SLC43A1: variants seen among roughly 807,000 people sequenced by gnomAD.
SLC43A1 encodes large neutral amino acids transporter small subunit 3.
A neutral mutation model predicts 59.5 loss-of-function variants in SLC43A1; 31 were observed. That is an observed-to-expected ratio of 0.52 (90% CI 0.39 to 0.70). SLC43A1 has a LOEUF of 0.70. Ranked by LOEUF, SLC43A1 falls within the 30% of genes least tolerant of loss-of-function variation. SLC43A1 has a pLI of 0.00. For missense variants in SLC43A1, 598 were observed against 717.8 expected (o/e 0.83, Z 1.91); for synonymous variants, 259 against 290.9 (o/e 0.89, Z 1.12).
Position 57,496,065 on chromosome 11 carries a change from C to G in SLC43A1, c.658G>C (p.Glu220Gln). ...FLNCTLNWPIEAFPAPEEVNY... is the reference protein window; with the variant it reads ...FLNCTLNWPIQAFPAPEEVNY... ...ACTTCCTCAGGGGCAGGAAAGGCTTCGATGGGCCAGTTGAGGGTGCAGTTC... is the reference window on the plus strand; with the variant it reads ...ACTTCCTCAGGGGCAGGAAAGGCTTGGATGGGCCAGTTGAGGGTGCAGTTC... The change falls in exon 7 of 15, where the codon GAA (glutamate) becomes CAA (glutamine). Residue 220 changes from glutamate to glutamine, a missense_variant. Coordinates refer to ENST00000278426, the MANE Select transcript of SLC43A1 (RefSeq NM_003627.6). The G allele has an allele frequency of 6.2e-7, 1 of 1,614,100 alleles. No individual in the cohort carries two copies. The highest frequency in any genetic ancestry group is 8.5e-7 in the Non-Finnish European group (1 of 1,180,000).
rs755333495 is a variant in SLC43A1, at chr11:57,489,247, GTACC to G, written c.1335_1335+3del. ...AGGGAGAGGGGAAGGATGAAGGTGG[GTACC>G]TGGAGGTGTAAGTTGTTGATGAGAC... On this transcript the variant is annotated splice_donor_variant and splice_donor_region_variant and coding_sequence_variant and intron_variant, in exon 12 of 15. Transcript: ENST00000278426. LOFTEE classifies it high-confidence loss of function. 1.1e-5 allele frequency: 17 copies of G among 1,614,048 alleles called. No homozygotes were observed. Among genetic ancestry groups the G allele is most frequent in the Non-Finnish European group, 1.4e-5 (17 of 1,180,038 alleles).
chr11:57,502,704 T>C lies in SLC43A1; in HGVS notation c.155-1375A>G, dbSNP rs149701663. Among the ~76,000 whole-genome samples, 10 of 151,962 alleles carry C rather than the reference T, an allele frequency of 6.6e-5. No individual in the cohort carries two copies. In the East Asian group the frequency reaches 1.5e-3, roughly 24 times the overall value. On this transcript the variant is annotated intron_variant, in intron 2 of 14. Transcript: ENST00000278426. ...TGAGCAACATTGGGAAACCTTGTCT[T>C]TACAAAACAAATTTTAAAAATCAGC...
At chr11:57,497,926 C>G in intron 5 of SLC43A1, 81 bp from the exon 6 acceptor site, 1 of 1,042,476 alleles carries the variant, frequency 9.6e-7, no homozygotes, top group Non-Finnish European at 1.4e-6. Context: ...CATACAATAG[C>G]CCCAGGAGAC....
chr11:57,510,674 A>T (rs927524830), intron 2 of SLC43A1, among the ~76,000 whole-genome samples: 9 of 151,830 alleles, frequency 5.9e-5, no homozygotes, highest in Middle Eastern at 3.4e-3. Context: ...ATTAAAAATT[A>T]AAAAATTAAA....
chr11:57,514,064 G>A lies in SLC43A1; in HGVS notation c.48C>T (p.Ala16=), dbSNP rs1285846589. ...AGAGGTTCTCCAGCACAGCCGTGCA[G>A]GCCATCCACCAGCGCCTCCGGTACG... is the stretch of plus-strand genomic sequence containing the variant. ...QQAYRRRWWM[A]CTAVLENLFF... is the part of the protein sequence containing the mutation. Residue 16 remains alanine (A), a synonymous_variant, in exon 2 of 15, where the codon GCC becomes GCT. Coordinates refer to ENST00000278426, the MANE Select transcript of SLC43A1 (RefSeq NM_003627.6). The surrounding 1 kb of genome is among the most constrained non-coding windows in gnomAD (Gnocchi z 5.5). The A allele has an allele frequency of 6.2e-7, 1 of 1,606,590 alleles. No homozygotes were observed. The highest frequency in any genetic ancestry group is 1.7e-5 in the Admixed American group (1 of 59,154).
chr11:57,513,592 T>G (rs1944607438), intron 2 of SLC43A1, among the ~76,000 whole-genome samples: 1 of 152,214 alleles, frequency 6.6e-6, no homozygotes, highest in Admixed American at 6.5e-5. Flanking sequence ...GCCCTTTATA[T>G]TCATACTCCA....
At position 57,485,182 on chromosome 11, in the gene SLC43A1, A is replaced by T; in HGVS notation, c.1594T>A (p.Tyr532Asn). ...LGFLLPSYLF[Y>N]YRARLQQEYA... Reference sequence around the variant, plus strand: ...TCCTGCTGGAGCCGGGCACGGTAATAGAAGAGGTAGGAAGGCAACAGGAAT... The same window carrying T: ...TCCTGCTGGAGCCGGGCACGGTAATTGAAGAGGTAGGAAGGCAACAGGAAT... The change falls in exon 15 of 15, where the codon TAT (tyrosine) becomes AAT (asparagine). Residue 532 changes from tyrosine (Y) to asparagine (N), a missense_variant. By Grantham distance (143) the Tyr-to-Asn change is moderately radical (BLOSUM62 -2). Coordinates refer to ENST00000278426, the MANE Select transcript of SLC43A1 (RefSeq NM_003627.6). 2 of 1,614,040 alleles carry T rather than the reference A, an allele frequency of 1.2e-6. No homozygotes were observed.
intron 6 of SLC43A1, among the ~76,000 whole-genome samples, chr11:57,496,760 T>C (rs1339678479): frequency 2.0e-5 from 3 of 152,200 alleles, no homozygotes; most frequent in Non-Finnish European, 4.4e-5. Context: ...CTCAATTGAA[T>C]GAGATTCTGT....
intron 2 of SLC43A1, among the ~76,000 whole-genome samples, chr11:57,506,701 C>T (rs923373036): frequency 3.6e-5 from 2 of 55,162 alleles, no homozygotes; most frequent in African/African-American, 2.1e-4. Flanking sequence ...AATCTTTACT[C>T]TGCCCTTTAC....
Position 57,484,898 on chromosome 11 carries a change from C to T in SLC43A1, c.*198G>A, listed in dbSNP as rs1203111737. On this transcript the variant is annotated 3_prime_UTR_variant, in exon 15 of 15. Coordinates refer to ENST00000278426, the MANE Select transcript of SLC43A1 (RefSeq NM_003627.6). Reference sequence around the variant, plus strand: ...TAGGGACTGTCTTCAGTCAATGGAGCGTTGACTTAGGGGGCGTTTTTGAAG... The same window carrying T: ...TAGGGACTGTCTTCAGTCAATGGAGTGTTGACTTAGGGGGCGTTTTTGAAG... 8 of 563,798 alleles carry T rather than the reference C, an allele frequency of 1.4e-5. No homozygotes were observed. Among genetic ancestry groups the T allele is most frequent in the Non-Finnish European group, 2.4e-5 (8 of 336,444 alleles). 34.9% of individuals were successfully genotyped at this position (563,798 alleles called of 1,614,324 possible). A position where few individuals can be genotyped will look rare whatever the true frequency, so the allele number is the denominator to read the frequency against.
At chr11:57,505,115 A>C (rs1208271872) in intron 2 of SLC43A1, among the ~76,000 whole-genome samples, 1 of 152,250 alleles carries the variant, frequency 6.6e-6, no homozygotes, top group African/African-American at 2.4e-5. Flanking sequence ...AGTGTTTCCC[A>C]ATATGTGGTA....
intron 8 of SLC43A1, among the ~76,000 whole-genome samples, chr11:57,492,335 CCCAGCTA>C (rs1448063581): frequency 1.4e-5 from 2 of 140,570 alleles, no homozygotes; most frequent in Admixed American, 1.5e-4. Flanking sequence ...CACCTGTATT[CCCAGCTA>C]CTCAGGAGGC....
chr11:57,493,991 A>C lies in SLC43A1; in HGVS notation c.871+2T>G. Reference sequence around the variant, plus strand: ...AGGCCGGCACCTTGACCAGACACTCACTCTCAGGAAGGTTTTCTGAGGTGC... The same window carrying C: ...AGGCCGGCACCTTGACCAGACACTCCCTCTCAGGAAGGTTTTCTGAGGTGC... On this transcript the variant is annotated splice_donor_variant, in intron 8 of 14. Transcript: ENST00000278426. LOFTEE classifies it high-confidence loss of function. 3.8e-6 allele frequency: 6 copies of C among 1,580,712 alleles called. No homozygotes were observed. Among genetic ancestry groups the C allele is most frequent in the Non-Finnish European group, 3.4e-6 (4 of 1,165,030 alleles).
rs201227416 is a variant in SLC43A1 at position 57,485,218 on chromosome 11, A to C, written c.1558T>G (p.Ser520Ala). The change falls in exon 15 of 15, where the codon TCA becomes GCA. Residue 520 changes from serine to alanine, a missense_variant. Transcript: ENST00000278426. ...GAAGGCAACAGGAATCCCAGGAGTG[A>C]GAATAGCAGGAGGCCCAGATTCACC... ...FWVNLGLLLF[S>A]LLGFLLPSYL... The C allele has an allele frequency of 3.7e-6, 6 of 1,613,462 alleles. No individual in the cohort carries two copies. The highest frequency in any genetic ancestry group is 2.2e-5 in the East Asian group (1 of 44,880).
chr11:57,492,773 G>A (rs1374098072), intron 8 of SLC43A1, among the ~76,000 whole-genome samples: 1 of 148,298 alleles, frequency 6.7e-6, no homozygotes, highest in Non-Finnish European at 1.5e-5. Flanking sequence ...AGGGCACGGT[G>A]GCTCACACTT....
intron 2 of SLC43A1, among the ~76,000 whole-genome samples, chr11:57,503,543 G>C (rs762492542): frequency 1.3e-5 from 2 of 151,930 alleles, no homozygotes; most frequent in East Asian, 3.9e-4. Context: ...GGCTGGTCTC[G>C]AACTCCTGGG....
At chr11:57,503,988 T>C (rs971868964) in intron 2 of SLC43A1, among the ~76,000 whole-genome samples, 6 of 151,936 alleles carry the variant, frequency 3.9e-5, no homozygotes, top group South Asian at 2.1e-4. Flanking sequence ...AGTCAGGAGA[T>C]CGAGACCATC....
At chr11:57,490,424 G>T (rs1374869783) in intron 11 of SLC43A1, among the ~76,000 whole-genome samples, 2 of 152,144 alleles carry the variant, frequency 1.3e-5, no homozygotes, top group Non-Finnish European at 2.9e-5. Context: ...GTATATCAGG[G>T]TTGCTCTGTG....
At chr11:57,505,007 G>A (rs1409971247) in intron 2 of SLC43A1, among the ~76,000 whole-genome samples, 1 of 152,174 alleles carries the variant, frequency 6.6e-6, no homozygotes, top group Admixed American at 6.5e-5. Context: ...AACAGAAAAG[G>A]TCTTTGGCAT....
Sources: gnomAD v4.1 joint callset for allele counts (sites outside exome capture counted in the v4.1 genomes callset) on GRCh38, gnomAD v4.1.1 for gene constraint, Gnocchi (gnomAD v3.1) non-coding constraint, MANE v1.5 for transcripts, NCBI Gene and HGNC (gene_info 2026-07-23, HGNC 2026-07-21) for gene names.